IKZF4: variants seen among roughly 807,000 people sequenced by gnomAD.
The protein encoded by IKZF4 is IKAROS family zinc finger 4.
Under a neutral mutation model 47.7 loss-of-function variants are expected in IKZF4, and 11 were observed. That is an observed-to-expected ratio of 0.23 (90% CI 0.15 to 0.38). The LOEUF (loss-of-function observed/expected upper bound fraction) is 0.38. IKZF4 is among the 10% of genes least tolerant of loss of function. The pLI is 1.00. For synonymous variants in IKZF4, 298 were observed against 299.4 expected, an observed-to-expected ratio of 1.00 and a Z score of 0.05; for missense variants, 557 against 784.9, an observed-to-expected ratio of 0.71 and a Z score of 3.47.
intron 5 of IKZF4, among the ~76,000 whole-genome samples, chr12:56,028,702 C>G (rs1894456053): frequency 6.6e-6 from 1 of 151,998 alleles, no homozygotes; most frequent in African/African-American, 2.4e-5. Flanking sequence ...CCCACCTCAG[C>G]TTCCTGAGTA....
Position 56,021,198 on chromosome 12 carries a change from C to G in IKZF4, c.-296C>G, listed in dbSNP as rs1007374845. ...GGATGCTGTAGCCTAGCATCTCCCC[C>G]ACTATATACACATATACATTCTCTC... On this transcript the variant is annotated 5_prime_UTR_variant, in exon 1 of 8. Coordinates refer to ENST00000547167, the MANE Select transcript of IKZF4 (RefSeq NM_022465.4). 6.4e-6 allele frequency: 9 copies of G among 1,410,496 alleles called. No homozygotes were observed. Among genetic ancestry groups the G allele is most frequent in the Admixed American group, 5.9e-5 (2 of 34,082 alleles). 87.4% of individuals were successfully genotyped at this position (1,410,496 alleles called of 1,614,324 possible).
Position 56,026,217 on chromosome 12 carries a change from G to T in IKZF4, c.287-564G>T, listed in dbSNP as rs913848843. 8.6e-5 allele frequency among the ~76,000 whole-genome samples: 13 copies of T among 152,000 alleles called. 1 individual carries two copies. Among genetic ancestry groups the T allele is most frequent in the Admixed American group, 7.2e-4 (11 of 15,264 alleles). ...CTCCCAAATTGCTGGGATTACAGGCGTGAGCCACCACACCCGGCCCAACTT... is the reference window on the plus strand; with the variant it reads ...CTCCCAAATTGCTGGGATTACAGGCTTGAGCCACCACACCCGGCCCAACTT... On this transcript the variant is annotated intron_variant, in intron 3 of 7. Transcript: ENST00000547167.
At position 56,035,668 on chromosome 12, in the gene IKZF4, CCTT is replaced by C; in HGVS notation, c.*338_*340del. 1 of 207,064 alleles carries C rather than the reference CCTT, an allele frequency of 4.8e-6. No individual in the cohort carries two copies. The highest frequency in any genetic ancestry group is 1.1e-4 in the South Asian group (1 of 8,748). 12.8% of individuals were successfully genotyped at this position (207,064 alleles called of 1,614,324 possible). ...CTCCCCCACCCTCCTGTCCACAACT[CCTT>C]TCCACTTTAGGCCAATTTTTCTCTC... On this transcript the variant is annotated 3_prime_UTR_variant, in exon 8 of 8. Coordinates refer to ENST00000547167, the MANE Select transcript of IKZF4 (RefSeq NM_022465.4). This position sits in a 1 kb window ranked among gnomAD's most constrained non-coding sequence, Gnocchi z 6.1.
At chr12:56,019,001 A>T (rs968824453), upstream of IKZF4, among the ~76,000 whole-genome samples, 1 of 152,028 alleles carries the variant, frequency 6.6e-6, no homozygotes, top group Non-Finnish European at 1.5e-5. Flanking sequence ...GCAGATCACG[A>T]AGTCAAGAGA....
intron 1 of IKZF4, among the ~76,000 whole-genome samples, chr12:56,009,487 C>G (rs1343382832): frequency 6.6e-6 from 1 of 152,156 alleles, no homozygotes; most frequent in Non-Finnish European, 1.5e-5. Flanking sequence ...TCAGCTTTCC[C>G]TACTAACAGC....
At chr12:56,022,953 C>T (rs1274628080) in intron 1 of IKZF4, among the ~76,000 whole-genome samples, 1 of 152,080 alleles carries the variant, frequency 6.6e-6, no homozygotes, top group Non-Finnish European at 1.5e-5. Flanking sequence ...GCGCCCGCTA[C>T]CATGCCCGGA....
intron 2 of IKZF4, among the ~76,000 whole-genome samples, chr12:56,012,700 A>G (rs1891487223): frequency 6.6e-6 from 1 of 152,030 alleles, no homozygotes; most frequent in African/African-American, 2.4e-5. Flanking sequence ...GCTGCCTGTC[A>G]GGGAGCCTGG....
At chr12:56,028,520 G>A (rs772919) in intron 5 of IKZF4, among the ~76,000 whole-genome samples, 103,359 of 131,234 alleles carry the variant, frequency 0.79, 43,926 homozygotes, top group East Asian at 0.99. Context: ...GCGACTGAGC[G>A]ACACTCAGTC....
intron 6 of IKZF4, 100 bp downstream of exon 6, chr12:56,032,810 C>A: frequency 7.5e-7 from 1 of 1,332,872 alleles, no homozygotes; most frequent in Non-Finnish European, 1.1e-6. Flanking sequence ...GGGATGAAGT[C>A]TGTGGAACAG....
At chr12:56,013,398 G>A (rs917177858) in intron 2 of IKZF4, among the ~76,000 whole-genome samples, 58 of 152,144 alleles carry the variant, frequency 3.8e-4, no homozygotes, top group African/African-American at 1.3e-3. Flanking sequence ...GTTTCGCCAC[G>A]TTGGCCAAGC....
rs370954224 is a variant in IKZF4, at chr12:56,034,458, A to T, written c.998-113A>T. On this transcript the variant is annotated intron_variant, in intron 7 of 7. Coordinates refer to ENST00000547167, the MANE Select transcript of IKZF4 (RefSeq NM_022465.4). ...ACCTGACCCTGCGAAAGTAAATGCC[A>T]CGTAGTAAATAATGTTACACCCAGC... 11 of 1,102,130 alleles carry T rather than the reference A, an allele frequency of 1.0e-5. 1 individual carries two copies. The highest frequency in any genetic ancestry group is 2.1e-4 in the Middle Eastern group (1 of 4,686). 68.3% of individuals were successfully genotyped at this position (1,102,130 alleles called of 1,614,324 possible).
Position 56,027,776 on chromosome 12 carries a change from G to A in IKZF4, c.548-4G>A. ...TCCTCTGGGATTTGTTCTTTCACTT[G>A]CAGGTGAAAGGCCCTTCCATTGCAA... On this transcript the variant is annotated splice_region_variant and splice_polypyrimidine_tract_variant and intron_variant, in intron 4 of 7. Coordinates refer to ENST00000547167, the MANE Select transcript of IKZF4 (RefSeq NM_022465.4). 1 of 1,611,878 alleles carries A rather than the reference G, an allele frequency of 6.2e-7. No homozygotes were observed. Among genetic ancestry groups the A allele is most frequent in the African/African-American group, 1.3e-5 (1 of 75,026 alleles).
Position 56,023,765 on chromosome 12 carries a change from G to A in IKZF4, c.181+1G>A. 1.2e-6 allele frequency: 2 copies of A among 1,613,428 alleles called. No homozygotes were observed. Among genetic ancestry groups the A allele is most frequent in the African/African-American group, 2.7e-5 (2 of 75,030 alleles). The stretch of plus-strand genomic sequence containing the variant: ...ATAATGGAATCTTTATTTTGTGAAA[G>A]TAAGTATGTGCATAGCTGGGCAATT... On this transcript the variant is annotated splice_donor_variant, in intron 2 of 7. Transcript: ENST00000547167. LOFTEE classifies it high-confidence loss of function.
At chr12:56,031,672 C>T (rs948204275) in intron 5 of IKZF4, among the ~76,000 whole-genome samples, 9 of 152,210 alleles carry the variant, frequency 5.9e-5, no homozygotes, top group Non-Finnish European at 1.0e-4. Context: ...ATATACAATA[C>T]GTTGTTTCTC....
chr12:56,034,196 CG>C (rs1895367386), intron 7 of IKZF4, among the ~76,000 whole-genome samples: 1 of 152,250 alleles, frequency 6.6e-6, no homozygotes, highest in African/African-American at 2.4e-5. Flanking sequence ...CCACCGCGCC[CG>C]GCCCGGGCTA....
At chr12:56,031,182 T>C (rs918837966) in intron 5 of IKZF4, among the ~76,000 whole-genome samples, 2 of 151,512 alleles carry the variant, frequency 1.3e-5, no homozygotes, top group Non-Finnish European at 3.0e-5. Context: ...ACCCAGGAGG[T>C]AGAGGTTGCA....
At chr12:56,012,408 G>A (rs922723151) in intron 2 of IKZF4, among the ~76,000 whole-genome samples, 1 of 151,458 alleles carries the variant, frequency 6.6e-6, no homozygotes, top group Admixed American at 6.6e-5. Context: ...CTGAGTAGCT[G>A]GGATTACAGG....
rs903364634 is a variant in IKZF4 at position 56,035,873 on chromosome 12, A to G, written c.*542A>G. 1.3e-5 allele frequency: 2 copies of G among 153,388 alleles called. No individual in the cohort carries two copies. The highest frequency in any genetic ancestry group is 4.8e-5 in the African/African-American group (2 of 41,398). 9.5% of individuals were successfully genotyped at this position (153,388 alleles called of 1,614,324 possible). On this transcript the variant is annotated 3_prime_UTR_variant, in exon 8 of 8. Transcript: ENST00000547167. This position sits in a 1 kb window ranked among gnomAD's most constrained non-coding sequence, Gnocchi z 6.1. ...TATATCTCCTCTCTGGGACTCTTCA[A>G]CCTGGTACTCCATACCTCTTGTGCC...
At chr12:56,030,549 G>A (rs1894763535) in intron 5 of IKZF4, among the ~76,000 whole-genome samples, 2 of 152,112 alleles carry the variant, frequency 1.3e-5, no homozygotes, top group African/African-American at 2.4e-5. Flanking sequence ...GACCAACATG[G>A]AGAAACCCTG....
Sources: allele counts gnomAD v4.1 joint callset (sites outside exome capture counted in the v4.1 genomes callset), GRCh38; gene constraint gnomAD v4.1.1; non-coding constraint Gnocchi (gnomAD v3.1); transcripts MANE v1.5; gene names NCBI Gene and HGNC (gene_info 2026-07-23, HGNC 2026-07-21).